Variants in DPP10 observed in about 807,000 individuals in gnomAD.
The protein encoded by DPP10 is inactive dipeptidyl peptidase 10.
In DPP10, 33 loss-of-function variants were observed where a neutral mutation model predicts 120.9. The ratio of observed to expected loss-of-function variants is 0.27; its 90% confidence interval spans 0.21 to 0.37. DPP10 has a LOEUF of 0.37. DPP10 is among the 10% of genes least tolerant of loss of function. The pLI is 1.00. For synonymous variants in DPP10, 337 were observed against 326.1 expected, an observed-to-expected ratio of 1.03 and a Z score of -0.36; for missense variants, 816 against 942.8, an observed-to-expected ratio of 0.87 and a Z score of 1.76.
chr2:115,109,534 C>CA lies in DPP10; in HGVS notation c.61-199695dup, dbSNP rs58100881. Among the ~76,000 whole-genome samples, 94 of 139,466 alleles carry CA rather than the reference C, an allele frequency of 6.7e-4. 3 individuals carry two copies. The highest frequency in any genetic ancestry group is 3.0e-3 in the South Asian group (13 of 4,356). The allele number at this position is 139,466 out of a possible 152,430, so 91.5% of individuals were successfully genotyped here. A position where few individuals can be genotyped will look rare whatever the true frequency, so the allele number is the denominator to read the frequency against. ...CTGGCAACAGAGCGAGACTCCGTCT[C>CA]AAAAAAAAAAGAAAAAAAAATTCAA... On this transcript the variant is annotated intron_variant, in intron 1 of 25. Transcript: ENST00000410059.
chr2:114,595,325 C>T (rs1007249397), intron 1 of DPP10, among the ~76,000 whole-genome samples: 2 of 152,016 alleles, frequency 1.3e-5, no homozygotes, highest in Admixed American at 6.6e-5. Flanking sequence ...CGCCTACCCA[C>T]CACCCCACTT....
intron 1 of DPP10, chr2:114,835,070 A>ATCTACACACCTATGTACATATC (rs1687590640): frequency 1.4e-5 from 2 of 147,906 alleles, no homozygotes; most frequent in African/African-American, 5.3e-5. Context: ...ATGTATATAT[A>ATCTACACACCTATGTACATATC]AGCCATATCT....
intron 2 of DPP10, among the ~76,000 whole-genome samples, chr2:115,330,719 A>C (rs146710714): frequency 6.6e-6 from 1 of 151,584 alleles, no homozygotes. Flanking sequence ...TGTTTTTCTC[A>C]GGTTTGTCAA....
intron 1 of DPP10, among the ~76,000 whole-genome samples, chr2:115,218,850 A>G (rs1405413855): frequency 1.3e-5 from 2 of 152,104 alleles, no homozygotes; most frequent in Non-Finnish European, 2.9e-5. Context: ...AATTGTTTTT[A>G]ATTGAAGGAA....
chr2:114,498,629 A>T (rs1352722035), intron 1 of DPP10, among the ~76,000 whole-genome samples: 1 of 152,162 alleles, frequency 6.6e-6, no homozygotes, highest in Non-Finnish European at 1.5e-5. Context: ...AAAGCAACTG[A>T]GCATGTGAGA....
chr2:115,355,075 A>T (rs770355895), intron 3 of DPP10, among the ~76,000 whole-genome samples: 10 of 152,084 alleles, frequency 6.6e-5, no homozygotes, highest in Non-Finnish European at 1.5e-4. Context: ...CAGTAATGGG[A>T]TTGCTGGGTC....
At chr2:115,226,146 G>C (rs2057424302) in intron 1 of DPP10, among the ~76,000 whole-genome samples, 1 of 152,092 alleles carries the variant, frequency 6.6e-6, no homozygotes, top group African/African-American at 2.4e-5. Flanking sequence ...CTGGATTGCA[G>C]ATTTTGTTGT....
chr2:114,651,497 C>G (rs1334733658), intron 1 of DPP10, among the ~76,000 whole-genome samples: 1 of 152,144 alleles, frequency 6.6e-6, no homozygotes. Context: ...CTAAATCCAT[C>G]TCAGATGGAG....
intron 5 of DPP10, among the ~76,000 whole-genome samples, chr2:115,643,501 G>A (rs1264049264): frequency 1.3e-5 from 2 of 152,122 alleles, no homozygotes; most frequent in Non-Finnish European, 2.9e-5. Flanking sequence ...TGATTAAAGA[G>A]GAGCCCACGA....
chr2:115,701,691 T>C (rs2091895000), intron 7 of DPP10, among the ~76,000 whole-genome samples: 1 of 152,058 alleles, frequency 6.6e-6, no homozygotes, highest in African/African-American at 2.4e-5. Context: ...TATTTCCAAA[T>C]CACTTATCTA....
At chr2:115,538,115 A>G (rs1050338074) in intron 5 of DPP10, among the ~76,000 whole-genome samples, 6 of 152,202 alleles carry the variant, frequency 3.9e-5, no homozygotes, top group African/African-American at 1.2e-4. Flanking sequence ...ACAGGTGGGA[A>G]GGAAGCAATG....
intron 1 of DPP10, among the ~76,000 whole-genome samples, chr2:115,120,928 A>G (rs2049789981): frequency 6.6e-6 from 1 of 152,204 alleles, no homozygotes. Flanking sequence ...TCCTTCTGTT[A>G]AGAAGTTATG....
At chr2:115,572,789 G>A (rs564406817) in intron 5 of DPP10, among the ~76,000 whole-genome samples, 133 of 152,272 alleles carry the variant, frequency 8.7e-4, no homozygotes, top group African/African-American at 3.1e-3. Flanking sequence ...AAAGCAAAGT[G>A]TAACATTATT....
rs1690293315 is a variant in DPP10 at position 115,842,914 on chromosome 2, G to A, written c.*569G>A. On this transcript the variant is annotated 3_prime_UTR_variant, in exon 26 of 26. Transcript: ENST00000410059. ...GGGTCAAAGGACATATAGAAATGTG[G>A]ATTTCAGCACCTTCCAAAGTTCAGC... 2 of 152,632 alleles carry A rather than the reference G, an allele frequency of 1.3e-5. No homozygotes were observed. Among genetic ancestry groups the A allele is most frequent in the Non-Finnish European group, 2.9e-5 (2 of 68,086 alleles). 9.5% of individuals were successfully genotyped at this position (152,632 alleles called of 1,614,324 possible).
At chr2:115,313,300 A>G (rs2061659381) in intron 2 of DPP10, among the ~76,000 whole-genome samples, 1 of 152,156 alleles carries the variant, frequency 6.6e-6, no homozygotes, top group African/African-American at 2.4e-5. Flanking sequence ...ACTAACTTCT[A>G]TGGCTTCAGT....
intron 1 of DPP10, among the ~76,000 whole-genome samples, chr2:115,289,044 C>G (rs1482592784): frequency 6.6e-6 from 1 of 151,890 alleles, no homozygotes; most frequent in African/African-American, 2.4e-5. Flanking sequence ...CCCAGAAAAC[C>G]CTAAAGATTC....
intron 3 of DPP10, among the ~76,000 whole-genome samples, chr2:115,433,469 A>G (rs897008802): frequency 6.6e-6 from 1 of 152,012 alleles, no homozygotes; most frequent in Non-Finnish European, 1.5e-5. Context: ...GTGTGTGTGC[A>G]TATACATATA....
intron 1 of DPP10, among the ~76,000 whole-genome samples, chr2:114,647,293 T>C (rs994165656): frequency 6.6e-6 from 1 of 152,144 alleles, no homozygotes; most frequent in African/African-American, 2.4e-5. Context: ...TCTCCTGGGG[T>C]GAGCAAAAAC....
At chr2:115,000,153 TAC>T (rs1331192376) in intron 1 of DPP10, among the ~76,000 whole-genome samples, 3 of 152,122 alleles carry the variant, frequency 2.0e-5, no homozygotes, top group Non-Finnish European at 4.4e-5. Flanking sequence ...CCATCTTTTC[TAC>T]ACAAGAACCA....
Sources: gnomAD v4.1 joint callset for allele counts (sites outside exome capture counted in the v4.1 genomes callset) on GRCh38, gnomAD v4.1.1 for gene constraint, MANE v1.5 for transcripts, NCBI Gene and HGNC (gene_info 2026-07-23, HGNC 2026-07-21) for gene names.